The following EIPR1 variants were observed in gnomAD, a reference collection of about 807,000 sequenced individuals.
The protein encoded by EIPR1 is EARP and GARP complex-interacting protein 1.
A neutral mutation model predicts 48.1 loss-of-function variants in EIPR1; 25 were observed. That is an observed-to-expected ratio of 0.52 (90% CI 0.38 to 0.73). EIPR1 has a LOEUF of 0.73. EIPR1 is among the 30% of genes least tolerant of loss of function. The pLI is 0.00. For missense variants in EIPR1, 415 were observed against 506.2 expected, an observed-to-expected ratio of 0.82 and a Z score of 1.73; for synonymous variants, 204 against 201.9, an observed-to-expected ratio of 1.01 and a Z score of -0.09.
chr2:3,333,815 G>A (rs1410030478), intron 3 of EIPR1, among the ~76,000 whole-genome samples: 1 of 151,666 alleles, frequency 6.6e-6, no homozygotes, highest in Admixed American at 6.6e-5. Flanking sequence ...GACACGGAAA[G>A]CAGCTTTAGA....
At chr2:3,204,520 T>C (rs1389921187) in intron 5 of EIPR1, among the ~76,000 whole-genome samples, 2 of 152,152 alleles carry the variant, frequency 1.3e-5, no homozygotes, top group Non-Finnish European at 2.9e-5. Context: ...CATGCAGTAA[T>C]CTGTTTTTCG....
intron 3 of EIPR1, among the ~76,000 whole-genome samples, chr2:3,288,899 C>T (rs1668286808): frequency 6.6e-6 from 1 of 152,228 alleles, no homozygotes; most frequent in Non-Finnish European, 1.5e-5. Context: ...CTCGGCAACG[C>T]CCACAGGCCC....
chr2:3,229,720 C>A (rs1386042786), intron 4 of EIPR1, among the ~76,000 whole-genome samples: 1 of 152,180 alleles, frequency 6.6e-6, no homozygotes, highest in Non-Finnish European at 1.5e-5. Context: ...CAATTAGGAT[C>A]TTCATTTTTT....
At chr2:3,323,993 T>C (rs1669614747) in intron 3 of EIPR1, among the ~76,000 whole-genome samples, 1 of 152,190 alleles carries the variant, frequency 6.6e-6, no homozygotes, top group South Asian at 2.1e-4. Context: ...GTAGGAAAAC[T>C]GAATTCACAG....
chr2:3,246,989 GGAGAGAGC>G (rs1558249032), intron 4 of EIPR1, among the ~76,000 whole-genome samples: 1,685 of 3,176 alleles, frequency 0.53, 254 homozygotes, highest in Non-Finnish European at 0.58. Context: ...AGGGAGGGAG[GGAGAGAGC>G]GAGGGAGGAG....
intron 1 of EIPR1, among the ~76,000 whole-genome samples, chr2:3,376,869 G>A (rs1378183975): frequency 6.6e-6 from 1 of 152,116 alleles, no homozygotes; most frequent in Non-Finnish European, 1.5e-5. Flanking sequence ...CCAGGACAGG[G>A]CTCTAACAGG....
intron 7 of EIPR1, among the ~76,000 whole-genome samples, chr2:3,193,069 G>C (rs779614423): frequency 1.8e-4 from 27 of 152,180 alleles, no homozygotes; most frequent in African/African-American, 6.3e-4. Flanking sequence ...GGGTCCTAGA[G>C]CCTGGGAGCT....
At chr2:3,324,633 T>C (rs1215874877) in intron 3 of EIPR1, among the ~76,000 whole-genome samples, 1 of 152,268 alleles carries the variant, frequency 6.6e-6, no homozygotes, top group Non-Finnish European at 1.5e-5. Context: ...CACTTGTTTG[T>C]GAAGCATTTC....
At chr2:3,348,954 A>G (rs1304613332) in intron 2 of EIPR1, among the ~76,000 whole-genome samples, 1 of 152,208 alleles carries the variant, frequency 6.6e-6, no homozygotes, top group Admixed American at 6.5e-5. Flanking sequence ...ACATGCGCAC[A>G]GGCGGGCTGC....
At chr2:3,334,686 AC>A (rs1376839606) in intron 3 of EIPR1, among the ~76,000 whole-genome samples, 2 of 152,270 alleles carry the variant, frequency 1.3e-5, no homozygotes, top group African/African-American at 4.8e-5. Context: ...AGCATTTCAC[AC>A]TGGAAAACAG....
At chr2:3,298,870 G>A (rs111344193) in intron 3 of EIPR1, among the ~76,000 whole-genome samples, 100 of 152,272 alleles carry the variant, frequency 6.6e-4, no homozygotes, top group African/African-American at 2.1e-3. Context: ...GTACAGCTCT[G>A]GGACAGCTGC....
At chr2:3,222,102 C>T (rs1665912943) in intron 4 of EIPR1, among the ~76,000 whole-genome samples, 1 of 152,208 alleles carries the variant, frequency 6.6e-6, no homozygotes, top group South Asian at 2.1e-4. Context: ...CATGCACATC[C>T]AGCAGCACAG....
intron 3 of EIPR1, among the ~76,000 whole-genome samples, chr2:3,272,777 G>GA (rs139104528): frequency 0.025 from 3,774 of 152,220 alleles, 72 homozygotes; most frequent in Non-Finnish European, 0.038. Flanking sequence ...ACATGTAATT[G>GA]AAAAAATGGG....
At chr2:3,253,930 G>A (rs1667077517) in intron 4 of EIPR1, among the ~76,000 whole-genome samples, 1 of 152,166 alleles carries the variant, frequency 6.6e-6, no homozygotes, top group South Asian at 2.1e-4. Context: ...AGTCTGCAGG[G>A]AGCACCCATG....
chr2:3,359,704 G>A (rs1481865867), intron 1 of EIPR1, among the ~76,000 whole-genome samples: 1 of 152,198 alleles, frequency 6.6e-6, no homozygotes, highest in African/African-American at 2.4e-5. Context: ...TTTGATTAAA[G>A]TAATGATAAA....
Position 3,365,422 on chromosome 2 carries a change from C to T in EIPR1, c.43-10789G>A, listed in dbSNP as rs148003851. On this transcript the variant is annotated intron_variant, in intron 1 of 8. Coordinates refer to ENST00000382125, the MANE Select transcript of EIPR1 (RefSeq NM_003310.5). Reference sequence around the variant, plus strand: ...AAGAGTTCCAGGCTGCCATGAGCCACGATCGCACTACTGCACTACAGCCTG... The same window carrying T: ...AAGAGTTCCAGGCTGCCATGAGCCATGATCGCACTACTGCACTACAGCCTG... Among the ~76,000 whole-genome samples the T allele has an allele frequency of 3.3e-5, 5 of 151,882 alleles. No homozygotes were observed. The East Asian group carries it at 9.7e-4, about 29-fold the overall frequency.
intron 3 of EIPR1, among the ~76,000 whole-genome samples, chr2:3,332,352 C>T (rs1338175952): frequency 6.6e-6 from 1 of 152,222 alleles, no homozygotes; most frequent in African/African-American, 2.4e-5. Context: ...AAGTACCCGG[C>T]AGCTCCGAAG....
At chr2:3,310,560 G>C (rs1283470207) in intron 3 of EIPR1, among the ~76,000 whole-genome samples, 1 of 147,324 alleles carries the variant, frequency 6.8e-6, no homozygotes, top group Admixed American at 6.7e-5. Context: ...GGCTGAGGCA[G>C]GAGAATGGCG....
chr2:3,325,495 G>A (rs555336761), intron 3 of EIPR1, among the ~76,000 whole-genome samples: 5 of 152,280 alleles, frequency 3.3e-5, no homozygotes, highest in South Asian at 2.1e-4. Context: ...CTCGAGGGCC[G>A]CCCAGTGAAA....
Sources: allele counts gnomAD v4.1 joint callset (sites outside exome capture counted in the v4.1 genomes callset), GRCh38; gene constraint gnomAD v4.1.1; transcripts MANE v1.5; gene names NCBI Gene and HGNC (gene_info 2026-07-23, HGNC 2026-07-21).